The following SH3TC2 variants were observed in gnomAD, a reference collection of about 807,000 sequenced individuals.
The protein encoded by SH3TC2 is SH3 domain and tetratricopeptide repeat-containing protein 2.
SH3TC2 carries 87 observed loss-of-function variants against 124.5 expected under a neutral mutation model. The observed-to-expected ratio is 0.70, with a 90% CI of 0.59 to 0.84. The LOEUF (loss-of-function observed/expected upper bound fraction) is 0.84, where lower values mean the gene tolerates loss of function less well. Ranked by LOEUF, SH3TC2 falls within the 40% of genes least tolerant of loss-of-function variation. The pLI is 0.00. For synonymous variants in SH3TC2, 634 were observed against 628.5 expected (o/e 1.01, Z -0.13); for missense variants, 1,536 against 1,566.4 (o/e 0.98, Z 0.33).
intron 1 of SH3TC2, among the ~76,000 whole-genome samples, chr5:149,061,579 C>A (rs755626683): frequency 6.6e-6 from 1 of 152,148 alleles, no homozygotes; most frequent in African/African-American, 2.4e-5. Flanking sequence ...ATAAAAGCTA[C>A]AGATAAGGAA....
At chr5:149,060,063 A>G (rs939550510) in intron 1 of SH3TC2, among the ~76,000 whole-genome samples, 2 of 152,314 alleles carry the variant, frequency 1.3e-5, no homozygotes, top group African/African-American at 2.4e-5. Flanking sequence ...CTGTTATTAT[A>G]CTGATGATTC....
rs1753326743 is a variant in SH3TC2 at position 148,986,013 on chromosome 5, C to T, written c.*18698G>A. The stretch of plus-strand genomic sequence containing the variant: ...CATCTCTAGGGTGATTTTTGAAAAA[C>T]ACATAAATGCAGAATCTTGGTGTTT... On this transcript the variant is annotated 3_prime_UTR_variant, in exon 17 of 17. Coordinates refer to ENST00000515425, the MANE Select transcript of SH3TC2 (RefSeq NM_024577.4). 6.6e-6 allele frequency among the ~76,000 whole-genome samples: 1 copy of T among 152,070 alleles called. No individual in the cohort carries two copies. Among genetic ancestry groups the T allele is most frequent in the Non-Finnish European group, 1.5e-5 (1 of 67,988 alleles).
At chr5:149,022,174 T>C (rs190135226) in intron 12 of SH3TC2, among the ~76,000 whole-genome samples, 12 of 152,198 alleles carry the variant, frequency 7.9e-5, no homozygotes, top group Non-Finnish European at 1.8e-4. Flanking sequence ...CCAGAATATA[T>C]AAAGAATGTT....
At position 148,998,064 on chromosome 5, in the gene SH3TC2, G is replaced by C. The variant is rs1168430084; in HGVS notation, c.*6647C>G. 6.6e-6 allele frequency among the ~76,000 whole-genome samples: 1 copy of C among 152,166 alleles called. No homozygotes were observed. Among genetic ancestry groups the C allele is most frequent in the East Asian group, 1.9e-4 (1 of 5,198 alleles). ...AGCACTTTTCAAACTACAGGTTAAT[G>C]AGTGAGAAATTCATTTGGTGAGTCA... On this transcript the variant is annotated 3_prime_UTR_variant, in exon 17 of 17. Coordinates refer to ENST00000515425, the MANE Select transcript of SH3TC2 (RefSeq NM_024577.4).
rs1262844040 is a variant in SH3TC2 at position 148,989,109 on chromosome 5, T to C, written c.*15602A>G. Reference sequence around the variant, plus strand: ...CTATTGTCATTGTTTTTTAACGTATTTTCTTTATATTTCCTTGAGTTCCTT... The same window carrying C: ...CTATTGTCATTGTTTTTTAACGTATCTTCTTTATATTTCCTTGAGTTCCTT... On this transcript the variant is annotated 3_prime_UTR_variant, in exon 17 of 17. Coordinates refer to ENST00000515425, the MANE Select transcript of SH3TC2 (RefSeq NM_024577.4). Among the ~76,000 whole-genome samples, 1 of 152,212 alleles carries C rather than the reference T, an allele frequency of 6.6e-6. No homozygotes were observed. The highest frequency in any genetic ancestry group is 2.4e-5 in the African/African-American group (1 of 41,454).
chr5:149,007,393 T>C (rs1753709051), intron 15 of SH3TC2: 2 of 583,326 alleles, frequency 3.4e-6, no homozygotes, highest in Non-Finnish European at 6.1e-6. Context: ...GAAGAAAATT[T>C]TCTCCTTATT....
In SH3TC2 at chr5:148,988,400, T is replaced by A. The variant is rs1309519359; in HGVS notation, c.*16311A>T. On this transcript the variant is annotated 3_prime_UTR_variant, in exon 17 of 17. Transcript: ENST00000515425. ...CTATACCAGCTCTAGGCTGGCTTTGTATAACCAATAAAATATAGCAGATGT... is the reference window on the plus strand; with the variant it reads ...CTATACCAGCTCTAGGCTGGCTTTGAATAACCAATAAAATATAGCAGATGT... Among the ~76,000 whole-genome samples, 1 of 152,168 alleles carries A rather than the reference T, an allele frequency of 6.6e-6. No homozygotes were observed. Among genetic ancestry groups the A allele is most frequent in the Admixed American group, 6.5e-5 (1 of 15,290 alleles).
chr5:149,050,186 T>TA (rs2127402869), intron 2 of SH3TC2, among the ~76,000 whole-genome samples: 1 of 152,292 alleles, frequency 6.6e-6, no homozygotes, highest in South Asian at 2.1e-4. Flanking sequence ...AACTGATACT[T>TA]AGAGCAGAAC....
At chr5:149,034,046 C>A (rs1033401136) in intron 8 of SH3TC2, among the ~76,000 whole-genome samples, 3 of 151,702 alleles carry the variant, frequency 2.0e-5, no homozygotes, top group African/African-American at 7.3e-5. Flanking sequence ...CTACAAAAAA[C>A]TAGAAATGAC....
At position 148,996,649 on chromosome 5, in the gene SH3TC2, G is replaced by A. The variant is rs1260856825; in HGVS notation, c.*8062C>T. ...TCTGGTACAATGTTCAAAGAATTCA[G>A]GGGCATTCCTATGAATGTCTCTATG... On this transcript the variant is annotated 3_prime_UTR_variant, in exon 17 of 17. Transcript: ENST00000515425. Among the ~76,000 whole-genome samples the A allele has an allele frequency of 6.6e-6, 1 of 152,136 alleles. No homozygotes were observed. Among genetic ancestry groups the A allele is most frequent in the Non-Finnish European group, 1.5e-5 (1 of 68,038 alleles).
intron 12 of SH3TC2, among the ~76,000 whole-genome samples, chr5:149,020,939 C>T (rs1244452182): frequency 6.6e-6 from 1 of 152,004 alleles, no homozygotes; most frequent in Non-Finnish European, 1.5e-5. Flanking sequence ...TATAATTAGA[C>T]CTAAAAGATA....
chr5:149,006,912 C>T lies in SH3TC2; in HGVS notation c.3644G>A (p.Arg1215His), dbSNP rs145390629. Reference protein sequence around the residue: ...EALYYAKVYYRLGRLTFCQLK... With the variant: ...EALYYAKVYYHLGRLTFCQLK... ...CTGGCAGAAGGTGAGTCTGCCCAGG[C>T]GATAATACACCTTGGCATAGTACAG... Residue 1215 changes from arginine to histidine, a missense_variant, in exon 16 of 17, where the codon CGC (arginine) becomes CAC (histidine). Physicochemically the swap from Arg to His is conservative, Grantham distance 29. Coordinates refer to ENST00000515425, the MANE Select transcript of SH3TC2 (RefSeq NM_024577.4). 1.3e-4 allele frequency: 202 copies of T among 1,614,006 alleles called. No individual in the cohort carries two copies. In the African/African-American group the frequency reaches 2.1e-3, roughly 17 times the overall value.
chr5:149,022,297 C>A (rs1383575532), intron 12 of SH3TC2, among the ~76,000 whole-genome samples: 2 of 152,110 alleles, frequency 1.3e-5, no homozygotes, highest in Admixed American at 6.5e-5. Flanking sequence ...TGCTCAATAT[C>A]TTTAGTCATT....
chr5:148,999,511 T>C lies in SH3TC2; in HGVS notation c.*5200A>G, dbSNP rs1753562718. ...TCCTTCTTTGCCGCTTGTCCACACA[T>C]CTCAATGGGAGCAATTAAAAGAGGA... On this transcript the variant is annotated 3_prime_UTR_variant, in exon 17 of 17. Coordinates refer to ENST00000515425, the MANE Select transcript of SH3TC2 (RefSeq NM_024577.4). Among the ~76,000 whole-genome samples the C allele has an allele frequency of 6.6e-6, 1 of 151,852 alleles. No individual in the cohort carries two copies. The highest frequency in any genetic ancestry group is 2.4e-5 in the African/African-American group (1 of 41,316).
In SH3TC2 at chr5:148,988,773, C is replaced by T. The variant is rs1023240949; in HGVS notation, c.*15938G>A. Among the ~76,000 whole-genome samples the T allele has an allele frequency of 6.6e-6, 1 of 152,246 alleles. No individual in the cohort carries two copies. Among genetic ancestry groups the T allele is most frequent in the African/African-American group, 2.4e-5 (1 of 41,446 alleles). On this transcript the variant is annotated 3_prime_UTR_variant, in exon 17 of 17. Transcript: ENST00000515425. ...GAGCCCAGTCAATCCATCAGACCAACAGATGATGATAAGCTGTTTTAAATC... is the reference window on the plus strand; with the variant it reads ...GAGCCCAGTCAATCCATCAGACCAATAGATGATGATAAGCTGTTTTAAATC...
In SH3TC2 at chr5:148,993,585, A is replaced by G. The variant is rs896421623; in HGVS notation, c.*11126T>C. 3.3e-5 allele frequency among the ~76,000 whole-genome samples: 5 copies of G among 152,334 alleles called. No homozygotes were observed. Among genetic ancestry groups the G allele is most frequent in the African/African-American group, 9.6e-5 (4 of 41,578 alleles). ...ATGGAGTCAAAACACCCTCAGCAAT[A>G]TATCACGGAGGTCAAAACGTCTGCC... On this transcript the variant is annotated 3_prime_UTR_variant, in exon 17 of 17. Coordinates refer to ENST00000515425, the MANE Select transcript of SH3TC2 (RefSeq NM_024577.4).
intron 8 of SH3TC2, among the ~76,000 whole-genome samples, chr5:149,033,639 T>C (rs749856297): frequency 6.6e-6 from 1 of 152,208 alleles, no homozygotes; most frequent in Non-Finnish European, 1.5e-5. Context: ...CCCTGGAGTC[T>C]GAAAGAGTTC....
intron 3 of SH3TC2, chr5:149,045,343 T>C (rs1754440806): frequency 6.6e-6 from 1 of 152,282 alleles, no homozygotes; most frequent in African/African-American, 2.4e-5. Flanking sequence ...ACATGTGCCA[T>C]TGTTGCATTA....
rs56162234 is a variant in SH3TC2 at position 148,994,697 on chromosome 5, A to T, written c.*10014T>A. On this transcript the variant is annotated 3_prime_UTR_variant, in exon 17 of 17. Transcript: ENST00000515425. ...TTGGATAAATGAATGGATGGATGGA[A>T]GGATGGATGGATGGATGGATGGATG... Among the ~76,000 whole-genome samples, 6 of 144,728 alleles carry T rather than the reference A, an allele frequency of 4.1e-5. No individual in the cohort carries two copies. The highest frequency in any genetic ancestry group is 2.0e-4 in the East Asian group (1 of 4,960). The allele number at this position is 144,728 out of a possible 152,430, so 94.9% of individuals were successfully genotyped here.
Sources: allele counts gnomAD v4.1 joint callset (sites outside exome capture counted in the v4.1 genomes callset), GRCh38; gene constraint gnomAD v4.1.1; transcripts MANE v1.5; gene names NCBI Gene and HGNC (gene_info 2026-07-23, HGNC 2026-07-21).